The following DCDC1 variants were observed in gnomAD, a reference collection of about 807,000 sequenced individuals.
DCDC1 encodes the protein doublecortin domain containing 1.
In DCDC1, 200 loss-of-function variants were observed where a neutral mutation model predicts 178.3. The observed-to-expected ratio is 1.12, with a 90% CI of 1.00 to 1.26. DCDC1 has a LOEUF of 1.26. Among genes scored for constraint, DCDC1 ranks in the 50% most tolerant of loss-of-function variants. The pLI is 0.00. For missense variants in DCDC1, 1,983 were observed against 1,749.2 expected, an observed-to-expected ratio of 1.13 and a Z score of -2.38; for synonymous variants, 690 against 604.8, an observed-to-expected ratio of 1.14 and a Z score of -2.07.
At chr11:30,927,122 C>A (rs571187449) in intron 22 of DCDC1, among the ~76,000 whole-genome samples, 2 of 152,088 alleles carry the variant, frequency 1.3e-5, no homozygotes, top group African/African-American at 4.8e-5. Flanking sequence ...TATCTTCTTG[C>A]TTTGGATTTT....
At chr11:31,278,541 C>A (rs574211825) in intron 7 of DCDC1, among the ~76,000 whole-genome samples, 65 of 152,042 alleles carry the variant, frequency 4.3e-4, no homozygotes, top group African/African-American at 1.5e-3. Context: ...AAGATATTGG[C>A]TAAAGTACAC....
At chr11:30,999,625 C>T (rs1951460032) in intron 20 of DCDC1, among the ~76,000 whole-genome samples, 1 of 152,022 alleles carries the variant, frequency 6.6e-6, no homozygotes, top group African/African-American at 2.4e-5. Flanking sequence ...AAAGCATGAT[C>T]CCCAGGAACT....
chr11:30,982,724 A>G (rs1950452898), intron 20 of DCDC1, among the ~76,000 whole-genome samples: 1 of 151,882 alleles, frequency 6.6e-6, no homozygotes, highest in African/African-American at 2.4e-5. Context: ...CTGTGTATTT[A>G]TTTTTCATTT....
In DCDC1 at chr11:31,307,901, T is replaced by A. The variant is rs942706916; in HGVS notation, c.172A>T (p.Met58Leu). Reference sequence around the variant, plus strand: ...ATAACTGCTTTTGCCTGGGATGACATAAACTCTCTGGAAGAAACAATGCAT... The same window carrying A: ...ATAACTGCTTTTGCCTGGGATGACAAAAACTCTCTGGAAGAAACAATGCAT... ...YILNDLPREF[M>L]SSQAKAVIKT... Residue 58 changes from methionine (M) to leucine (L), a missense_variant, in exon 4 of 39, where the codon ATG (methionine) becomes TTG (leucine). By Grantham distance (15) the Met-to-Leu change is conservative (BLOSUM62 2). Transcript: ENST00000684477. 3 of 1,613,992 alleles carry A rather than the reference T, an allele frequency of 1.9e-6. No individual in the cohort carries two copies. Among genetic ancestry groups the A allele is most frequent in the Non-Finnish European group, 2.5e-6 (3 of 1,179,916 alleles).
intron 29 of DCDC1, among the ~76,000 whole-genome samples, chr11:30,907,338 A>C (rs1945136123): frequency 6.6e-6 from 1 of 152,218 alleles, no homozygotes; most frequent in Non-Finnish European, 1.5e-5. Context: ...ATTATTTGTA[A>C]AGATGGCCAC....
chr11:30,928,869 C>T (rs1946755329), intron 22 of DCDC1, among the ~76,000 whole-genome samples: 2 of 151,414 alleles, frequency 1.3e-5, no homozygotes, highest in Admixed American at 1.3e-4. Context: ...AGATTGCATT[C>T]ATTTTACCTG....
chr11:31,145,982 A>G (rs964413934), intron 9 of DCDC1, among the ~76,000 whole-genome samples: 1 of 152,150 alleles, frequency 6.6e-6, no homozygotes, highest in South Asian at 2.1e-4. Flanking sequence ...TTAGACACTA[A>G]TATTACTTTC....
At chr11:31,270,149 C>G (rs1945454324) in intron 7 of DCDC1, among the ~76,000 whole-genome samples, 1 of 152,200 alleles carries the variant, frequency 6.6e-6, no homozygotes, top group Non-Finnish European at 1.5e-5. Flanking sequence ...GTCCAAAGGC[C>G]AATCCCAGTC....
At chr11:30,920,631 A>G (rs1161113702) in intron 25 of DCDC1, 145 bp downstream of exon 25, 2 of 903,458 alleles carry the variant, frequency 2.2e-6, no homozygotes, top group East Asian at 5.4e-5. Context: ...TTTGCCGGAA[A>G]ACTAATTAAA....
intron 25 of DCDC1, among the ~76,000 whole-genome samples, chr11:30,920,122 C>CG (rs1204342449): frequency 1.1e-4 from 17 of 152,248 alleles, no homozygotes; most frequent in African/African-American, 4.1e-4. Flanking sequence ...AATATGCAGG[C>CG]GACAGCTTGT....
intron 3 of DCDC1, among the ~76,000 whole-genome samples, chr11:31,315,255 C>G (rs1949007378): frequency 6.6e-6 from 1 of 150,902 alleles, no homozygotes; most frequent in Non-Finnish European, 1.5e-5. Context: ...CTGTAATATC[C>G]CTCAGCTATA....
At chr11:30,988,746 G>A (rs1011318733) in intron 20 of DCDC1, among the ~76,000 whole-genome samples, 1 of 152,156 alleles carries the variant, frequency 6.6e-6, no homozygotes, top group African/African-American at 2.4e-5. Context: ...ATCTTATAAT[G>A]TTTTAAGAAA....
chr11:31,281,076 A>T (rs1288960506), intron 7 of DCDC1: 2 of 446,136 alleles, frequency 4.5e-6, no homozygotes, highest in Non-Finnish European at 4.3e-6. Flanking sequence ...AATTGTCACT[A>T]GCATATAGAA....
chr11:31,111,062 C>T (rs563430027), intron 11 of DCDC1, among the ~76,000 whole-genome samples: 3 of 152,212 alleles, frequency 2.0e-5, no homozygotes, highest in African/African-American at 7.2e-5. Context: ...AGAGTGAACA[C>T]CACCCCTCCA....
Position 31,102,245 on chromosome 11 carries a change from A to G in DCDC1, c.1915T>C (p.Cys639Arg), listed in dbSNP as rs769588649. 4 of 732,516 alleles carry G rather than the reference A, an allele frequency of 5.5e-6. No individual in the cohort carries two copies. Among genetic ancestry groups the G allele is most frequent in the South Asian group, 1.5e-5 (1 of 68,806 alleles). The allele number at this position is 732,516 out of a possible 1,614,324, so 45.4% of individuals were successfully genotyped here. Residue 639 changes from cysteine to arginine, a missense_variant, in exon 15 of 39, where the codon TGT becomes CGT. Cys to Arg is a radical substitution (Grantham distance 180). Transcript: ENST00000684477. ...VCEGFPINFN[C>R]TSQQIPDQFE... is the part of the protein sequence containing the mutation. ...TGGTCAGGTATCTGTTGACTGGTAC[A>G]GTTGAAATTAATTGGAAATCCCTCA... is the stretch of plus-strand genomic sequence containing the variant.
At chr11:31,023,242 T>C (rs1002064136) in intron 20 of DCDC1, among the ~76,000 whole-genome samples, 8 of 152,178 alleles carry the variant, frequency 5.3e-5, no homozygotes, top group Middle Eastern at 6.8e-3. Context: ...TTGTTTTCCC[T>C]CAGAAAAAAT....
chr11:30,984,984 A>T (rs942179985), intron 20 of DCDC1, among the ~76,000 whole-genome samples: 7 of 152,196 alleles, frequency 4.6e-5, no homozygotes, highest in African/African-American at 1.7e-4. Flanking sequence ...AAGTCCCCAC[A>T]TCTAACCTTG....
intron 22 of DCDC1, among the ~76,000 whole-genome samples, chr11:30,929,228 T>C (rs1946777324): frequency 6.6e-6 from 1 of 152,084 alleles, no homozygotes; most frequent in Non-Finnish European, 1.5e-5. Flanking sequence ...CAGAACACAA[T>C]GATCTATGAT....
At position 31,148,989 on chromosome 11, in the gene DCDC1, T is replaced by C. The variant is rs113531388; in HGVS notation, c.1222-11205A>G. On this transcript the variant is annotated intron_variant, in intron 9 of 38. Transcript: ENST00000684477. ...GCTCCCACTTATAAATGAGAACATA[T>C]GATATCTGGTTTTCCATTACTGAGT... 8.3e-3 allele frequency among the ~76,000 whole-genome samples: 1,257 copies of C among 152,198 alleles called. 22 individuals are homozygous for C. The highest frequency in any genetic ancestry group is 0.029 in the African/African-American group (1,203 of 41,530).
Sources: gnomAD v4.1 joint callset for allele counts (sites outside exome capture counted in the v4.1 genomes callset) on GRCh38, gnomAD v4.1.1 for gene constraint, MANE v1.5 for transcripts, NCBI Gene and HGNC (gene_info 2026-07-23, HGNC 2026-07-21) for gene names.